TLX2: variants seen among roughly 807,000 people sequenced by gnomAD.
The protein encoded by TLX2 is T cell leukemia homeobox 2.
In TLX2, 15 loss-of-function variants were observed where a neutral mutation model predicts 21.7. The observed-to-expected ratio is 0.69, with a 90% CI of 0.46 to 1.07. The LOEUF (loss-of-function observed/expected upper bound fraction) is 1.07. Ranked by LOEUF, TLX2 falls within the 50% of genes least tolerant of loss-of-function variation. TLX2 has a pLI of 0.00. For synonymous variants in TLX2, 213 were observed against 193.1 expected, an observed-to-expected ratio of 1.10 and a Z score of -0.85; for missense variants, 384 against 409.1, an observed-to-expected ratio of 0.94 and a Z score of 0.53.
At position 74,515,399 on chromosome 2, in the gene TLX2, C is replaced by T. The variant is rs1162497159; in HGVS notation, c.400+193C>T. Among the ~76,000 whole-genome samples the T allele has an allele frequency of 6.6e-6, 1 of 152,150 alleles. No homozygotes were observed. The highest frequency in any genetic ancestry group is 1.5e-5 in the Non-Finnish European group (1 of 68,008). ...GAGGGAGCTGCCGTCGGTGCCCGCGCCCTCCTCTGTAGTCCCACTGTCCAC... is the reference window on the plus strand; with the variant it reads ...GAGGGAGCTGCCGTCGGTGCCCGCGTCCTCCTCTGTAGTCCCACTGTCCAC... On this transcript the variant is annotated intron_variant, in intron 1 of 2. Coordinates refer to ENST00000233638, the MANE Select transcript of TLX2 (RefSeq NM_016170.5). This position sits in a 1 kb window ranked among gnomAD's most constrained non-coding sequence, Gnocchi z 6.6.
Position 74,515,826 on chromosome 2 carries a change from C to A in TLX2, c.594C>A (p.Asp198Glu). 1 of 1,612,476 alleles carries A rather than the reference C, an allele frequency of 6.2e-7. No individual in the cohort carries two copies. The highest frequency in any genetic ancestry group is 8.5e-7 in the Non-Finnish European group (1 of 1,179,654). ...AALAKALRMT[D>E]AQVKTWFQNR... ...TGGCCAAGGCCTTGCGCATGACCGA[C>A]GCACAGGTCAAAACGTGGTTCCAGA... The change falls in exon 2 of 3, where the codon GAC becomes GAA. Residue 198 changes from aspartate (D) to glutamate (E), a missense_variant. By Grantham distance (45) the Asp-to-Glu change is conservative (BLOSUM62 2). Transcript: ENST00000233638. The surrounding 1 kb of genome is among the most constrained non-coding windows in gnomAD (Gnocchi z 6.6).
At position 74,515,945 on chromosome 2, in the gene TLX2, C is replaced by G; in HGVS notation, c.639-28C>G. ...GGTGAGAAGCGACGCGGCGGGCGCC[C>G]CGCTGACCCCGCGTCTCCCTCCCTT... is the stretch of plus-strand genomic sequence containing the variant. On this transcript the variant is annotated intron_variant, in intron 2 of 2. Transcript: ENST00000233638. This position sits in a 1 kb window ranked among gnomAD's most constrained non-coding sequence, Gnocchi z 6.6. 6.7e-7 allele frequency: 1 copy of G among 1,481,676 alleles called. No homozygotes were observed. The highest frequency in any genetic ancestry group is 8.9e-7 in the Non-Finnish European group (1 of 1,124,068). The allele number at this position is 1,481,676 out of a possible 1,614,324, so 91.8% of individuals were successfully genotyped here.
Position 74,515,347 on chromosome 2 carries a change from T to A in TLX2, c.400+141T>A. On this transcript the variant is annotated intron_variant, in intron 1 of 2. Transcript: ENST00000233638. The surrounding 1 kb of genome is among the most constrained non-coding windows in gnomAD (Gnocchi z 6.6). ...GGGATCCTCCCCCAACTCAAATCTC[T>A]GGGTCCTGCCTCCGAGAGGTGATGG... 1 of 1,484,888 alleles carries A rather than the reference T, an allele frequency of 6.7e-7. No individual in the cohort carries two copies. Among genetic ancestry groups the A allele is most frequent in the Non-Finnish European group, 9.0e-7 (1 of 1,113,686 alleles). The allele number at this position is 1,484,888 out of a possible 1,614,324, so 92.0% of individuals were successfully genotyped here.
In TLX2 at chr2:74,516,195, G is replaced by T; in HGVS notation, c.*6G>T. 1.2e-6 allele frequency: 2 copies of T among 1,607,000 alleles called. No individual in the cohort carries two copies. Among genetic ancestry groups the T allele is most frequent in the Non-Finnish European group, 1.7e-6 (2 of 1,177,680 alleles). ...GGCTCGCCTCGGTGGTGTGAGCGAC[G>T]CCCGTCCGATCGGCGTGGAGCGCCG... is the stretch of plus-strand genomic sequence containing the variant. On this transcript the variant is annotated 3_prime_UTR_variant, in exon 3 of 3. Transcript: ENST00000233638.
In TLX2 at chr2:74,516,106, T is replaced by C; in HGVS notation, c.772T>C (p.Ser258Pro). 1.2e-6 allele frequency: 2 copies of C among 1,609,756 alleles called. No individual in the cohort carries two copies. Among genetic ancestry groups the C allele is most frequent in the South Asian group, 1.1e-5 (1 of 90,730 alleles). The change falls in exon 3 of 3, where the codon TCG becomes CCG. Residue 258 changes from serine (S) to proline (P), a missense_variant. Transcript: ENST00000233638. ...GGACCCTCTCTGCCTGCACAACTCGTCGCTCTTCGCGCTGCAGAACCTGCA... is the reference window on the plus strand; with the variant it reads ...GGACCCTCTCTGCCTGCACAACTCGCCGCTCTTCGCGCTGCAGAACCTGCA... ...PPDPLCLHNS[S>P]LFALQNLQPW...
rs767331594 is a variant in TLX2 at position 74,515,415 on chromosome 2, C to T, written c.400+209C>T. 1.3e-5 allele frequency among the ~76,000 whole-genome samples: 2 copies of T among 152,124 alleles called. No individual in the cohort carries two copies. Among genetic ancestry groups the T allele is most frequent in the African/African-American group, 2.4e-5 (1 of 41,416 alleles). On this transcript the variant is annotated intron_variant, in intron 1 of 2. Transcript: ENST00000233638. The surrounding 1 kb of genome is among the most constrained non-coding windows in gnomAD (Gnocchi z 6.6). ...GTGCCCGCGCCCTCCTCTGTAGTCC[C>T]ACTGTCCACGCGTGGGGAGGGGAGG...
In TLX2 at chr2:74,516,335, C is replaced by T; in HGVS notation, c.*146C>T. 1 of 1,523,682 alleles carries T rather than the reference C, an allele frequency of 6.6e-7. No individual in the cohort carries two copies. The highest frequency in any genetic ancestry group is 1.2e-5 in the South Asian group (1 of 81,948). 94.4% of individuals were successfully genotyped at this position (1,523,682 alleles called of 1,614,324 possible). ...CGAGGGCTCCTCCACCACCGGCCGG[C>T]TCCCAAGCCAGCGTTGCGCAGATGC... On this transcript the variant is annotated 3_prime_UTR_variant, in exon 3 of 3. Transcript: ENST00000233638.
rs115897631 is a variant in TLX2, at chr2:74,515,055, C to T, written c.249C>T (p.Val83=). ...SGVGPGGVIR[V]PAHRPLPVPP... is the part of the protein sequence containing the mutation. ...TGGGCCCAGGCGGCGTGATCCGCGT[C>T]CCTGCGCACCGCCCGCTGCCTGTGC... Residue 83 remains valine (V), a synonymous_variant, in exon 1 of 3, where the codon GTC becomes GTT. Coordinates refer to ENST00000233638, the MANE Select transcript of TLX2 (RefSeq NM_016170.5). This position sits in a 1 kb window ranked among gnomAD's most constrained non-coding sequence, Gnocchi z 6.6. 39 of 1,520,716 alleles carry T rather than the reference C, an allele frequency of 2.6e-5. No individual in the cohort carries two copies. Among genetic ancestry groups the T allele is most frequent in the Middle Eastern group, 3.6e-4 (2 of 5,610 alleles). The allele number at this position is 1,520,716 out of a possible 1,614,324, so 94.2% of individuals were successfully genotyped here. A position where few individuals can be genotyped will look rare whatever the true frequency, so the allele number is the denominator to read the frequency against.
chr2:74,516,605 C>A lies in TLX2; in HGVS notation c.*416C>A. On this transcript the variant is annotated 3_prime_UTR_variant, in exon 3 of 3. Transcript: ENST00000233638. ...GCGCGCGGTGCCGGCTGGGTCTGTACCAAAGGTGTGAAGGAAAGAAGACAC... is the reference window on the plus strand; with the variant it reads ...GCGCGCGGTGCCGGCTGGGTCTGTAACAAAGGTGTGAAGGAAAGAAGACAC... 1 of 979,076 alleles carries A rather than the reference C, an allele frequency of 1.0e-6. No individual in the cohort carries two copies. Among genetic ancestry groups the A allele is most frequent in the Non-Finnish European group, 1.3e-6 (1 of 778,584 alleles). The allele number at this position is 979,076 out of a possible 1,614,324, so 60.6% of individuals were successfully genotyped here. A position where few individuals can be genotyped will look rare whatever the true frequency, so the allele number is the denominator to read the frequency against.
rs1674893283 is a variant in TLX2, at chr2:74,516,585, C to T, written c.*396C>T. ...TGAGGGGCTCTAGCGGCGTTGCGCG[C>T]GGTGCCGGCTGGGTCTGTACCAAAG... On this transcript the variant is annotated 3_prime_UTR_variant, in exon 3 of 3. Transcript: ENST00000233638. 19 of 1,104,274 alleles carry T rather than the reference C, an allele frequency of 1.7e-5. No individual in the cohort carries two copies. Among genetic ancestry groups the T allele is most frequent in the Non-Finnish European group, 2.2e-5 (19 of 880,748 alleles). The allele number at this position is 1,104,274 out of a possible 1,614,324, so 68.4% of individuals were successfully genotyped here.
At position 74,515,109 on chromosome 2, in the gene TLX2, G is replaced by A; in HGVS notation, c.303G>A (p.Val101=). 6.5e-7 allele frequency: 1 copy of A among 1,539,460 alleles called. No homozygotes were observed. The highest frequency in any genetic ancestry group is 8.7e-7 in the Non-Finnish European group (1 of 1,144,446). The change falls in exon 1 of 3, where the codon GTG becomes GTA. Residue 101 remains valine, a synonymous_variant. Transcript: ENST00000233638. This position sits in a 1 kb window ranked among gnomAD's most constrained non-coding sequence, Gnocchi z 6.6. ...CGCCCGCTGGGGGGGCGCCTGCAGT[G>A]CCTGGGCCCTCGGGTTTGGGCGGCG... ...VPPPAGGAPA[V]PGPSGLGGAG...
Position 74,514,688 on chromosome 2 carries a change from G to C in TLX2, c.-119G>C, listed in dbSNP as rs1649832747. On this transcript the variant is annotated 5_prime_UTR_variant, in exon 1 of 3. Transcript: ENST00000233638. This position sits in a 1 kb window ranked among gnomAD's most constrained non-coding sequence, Gnocchi z 5.0. ...TCGGGGACCCCGGCGCCCTGCCTTG[G>C]CCAGCCCCGCGGGCCCCTGAGGCCA... The C allele has an allele frequency of 3.9e-6, 6 of 1,538,662 alleles. No homozygotes were observed. Among genetic ancestry groups the C allele is most frequent in the Non-Finnish European group, 5.2e-6 (6 of 1,143,258 alleles).
Position 74,515,901 on chromosome 2 carries a change from G to A in TLX2, c.638+31G>A. 1.3e-6 allele frequency: 2 copies of A among 1,586,910 alleles called. No homozygotes were observed. The highest frequency in any genetic ancestry group is 1.7e-6 in the Non-Finnish European group (2 of 1,165,694). On this transcript the variant is annotated intron_variant, in intron 2 of 2. Transcript: ENST00000233638. The surrounding 1 kb of genome is among the most constrained non-coding windows in gnomAD (Gnocchi z 6.6). ...GCGCGGCGCGGGCGAGGGCGGACTG[G>A]GGTTCCCGAGCAGGGCCTGGTGAGA...
rs568002356 is a variant in TLX2, at chr2:74,514,796, G to C, written c.-11G>C. 4 of 1,612,204 alleles carry C rather than the reference G, an allele frequency of 2.5e-6. No homozygotes were observed. The highest frequency in any genetic ancestry group is 1.7e-4 in the Middle Eastern group (1 of 6,060). On this transcript the variant is annotated 5_prime_UTR_variant, in exon 1 of 3. Transcript: ENST00000233638. This position sits in a 1 kb window ranked among gnomAD's most constrained non-coding sequence, Gnocchi z 5.0. ...CACCGAACCTCCGGCGGTTCTCCTC[G>C]GCCCAGACCGATGGAGCCGGGGATG...
chr2:74,515,936 GCGGGCGCCC>G lies in TLX2; in HGVS notation c.639-34_639-26del, dbSNP rs767709180. ...GCAGGGCCTGGTGAGAAGCGACGCG[GCGGGCGCCC>G]CGCTGACCCCGCGTCTCCCTCCCTT... On this transcript the variant is annotated intron_variant, in intron 2 of 2. Coordinates refer to ENST00000233638, the MANE Select transcript of TLX2 (RefSeq NM_016170.5). The surrounding 1 kb of genome is among the most constrained non-coding windows in gnomAD (Gnocchi z 6.6). 9 of 1,497,728 alleles carry G rather than the reference GCGGGCGCCC, an allele frequency of 6.0e-6. No individual in the cohort carries two copies. The highest frequency in any genetic ancestry group is 8.0e-6 in the Non-Finnish European group (9 of 1,131,034). 92.8% of individuals were successfully genotyped at this position (1,497,728 alleles called of 1,614,324 possible).
rs1331221818 is a variant in TLX2, at chr2:74,514,906, G to C, written c.100G>C (p.Gly34Arg). The C allele has an allele frequency of 3.1e-6, 5 of 1,610,942 alleles. No individual in the cohort carries two copies. The Admixed American group carries it at 6.7e-5, about 22-fold the overall frequency. ...ILSGPETPGG[G>R]LGLGRGGQGH... ...GAGCGGCCCCGAAACCCCAGGGGGC[G>C]GTCTAGGCCTGGGTCGCGGGGGCCA... Residue 34 changes from glycine (G) to arginine (R), a missense_variant, in exon 1 of 3, where the codon GGT (glycine) becomes CGT (arginine). Transcript: ENST00000233638. This position sits in a 1 kb window ranked among gnomAD's most constrained non-coding sequence, Gnocchi z 5.0.
rs1674860134 is a variant in TLX2, at chr2:74,515,460, C to T, written c.401-173C>T. Among the ~76,000 whole-genome samples the T allele has an allele frequency of 6.6e-6, 1 of 152,150 alleles. No homozygotes were observed. The highest frequency in any genetic ancestry group is 1.5e-5 in the Non-Finnish European group (1 of 68,022). ...GGGAGGGTGAAGTTACAGGGGACGT[C>T]TCCCTCGCATCCCAGGGGAAGGGCC... On this transcript the variant is annotated intron_variant, in intron 1 of 2. Coordinates refer to ENST00000233638, the MANE Select transcript of TLX2 (RefSeq NM_016170.5). This position sits in a 1 kb window ranked among gnomAD's most constrained non-coding sequence, Gnocchi z 6.6.
chr2:74,514,506 C>A lies in TLX2; in HGVS notation c.-301C>A. On this transcript the variant is annotated 5_prime_UTR_variant, in exon 1 of 3. Coordinates refer to ENST00000233638, the MANE Select transcript of TLX2 (RefSeq NM_016170.5). The surrounding 1 kb of genome is among the most constrained non-coding windows in gnomAD (Gnocchi z 5.0). Reference sequence around the variant, plus strand: ...TCTCCACCCGGGACTTGGGCAGCGGCGCCGGCAGCCCAGCGTCTATTTGCG... The same window carrying A: ...TCTCCACCCGGGACTTGGGCAGCGGAGCCGGCAGCCCAGCGTCTATTTGCG... The A allele has an allele frequency of 7.7e-7, 1 of 1,292,164 alleles. No individual in the cohort carries two copies. Among genetic ancestry groups the A allele is most frequent in the Non-Finnish European group, 9.8e-7 (1 of 1,015,416 alleles). The allele number at this position is 1,292,164 out of a possible 1,614,324, so 80.0% of individuals were successfully genotyped here. A position where few individuals can be genotyped will look rare whatever the true frequency, so the allele number is the denominator to read the frequency against.
In TLX2 at chr2:74,514,456, T is replaced by A; in HGVS notation, c.-351T>A. ...CCACCCGGGCCGATCCGTCAGTCAC[T>A]GCCCCAGCCGGAGCTGGCCAACCCT... On this transcript the variant is annotated 5_prime_UTR_variant, in exon 1 of 3. Transcript: ENST00000233638. This position sits in a 1 kb window ranked among gnomAD's most constrained non-coding sequence, Gnocchi z 5.0. 1 of 1,138,820 alleles carries A rather than the reference T, an allele frequency of 8.8e-7. No individual in the cohort carries two copies. The highest frequency in any genetic ancestry group is 1.1e-6 in the Non-Finnish European group (1 of 914,388). 70.5% of individuals were successfully genotyped at this position (1,138,820 alleles called of 1,614,324 possible).
Sources: allele counts gnomAD v4.1 joint callset (sites outside exome capture counted in the v4.1 genomes callset), GRCh38; gene constraint gnomAD v4.1.1; non-coding constraint Gnocchi (gnomAD v3.1); transcripts MANE v1.5; gene names NCBI Gene and HGNC (gene_info 2026-07-23, HGNC 2026-07-21).